Variants in KIF26B observed in about 807,000 individuals in gnomAD.
KIF26B encodes the protein kinesin-like protein KIF26B.
KIF26B carries 63 observed loss-of-function variants against 151.2 expected under a neutral mutation model. That is an observed-to-expected ratio of 0.42 (90% CI 0.34 to 0.51). KIF26B has a LOEUF of 0.51. Ranked by LOEUF, KIF26B falls within the 20% of genes least tolerant of loss-of-function variation. The probability of loss-of-function intolerance (pLI) is 0.07; values close to 1 mark genes in which losing one functional copy is unlikely to be tolerated. For missense variants in KIF26B, 2,813 were observed against 2,913.6 expected (o/e 0.97, Z 0.79); for synonymous variants, 1,357 against 1,262.1 (o/e 1.08, Z -1.59).
At chr1:245,454,589 C>A (rs2103054579) in intron 4 of KIF26B, among the ~76,000 whole-genome samples, 1 of 152,252 alleles carries the variant, frequency 6.6e-6, no homozygotes, top group South Asian at 2.1e-4. Context: ...TGATACCTTC[C>A]ATTGGGAGCC....
At chr1:245,494,519 C>T (rs927325062) in intron 4 of KIF26B, among the ~76,000 whole-genome samples, 7 of 152,100 alleles carry the variant, frequency 4.6e-5, no homozygotes, top group South Asian at 4.1e-4. Context: ...ACTGGGCGAA[C>T]GATCACTGAA....
chr1:245,518,248 G>C (rs958115193), intron 4 of KIF26B, among the ~76,000 whole-genome samples: 2 of 152,098 alleles, frequency 1.3e-5, no homozygotes, highest in African/African-American at 2.4e-5. Flanking sequence ...GCAATGATTA[G>C]TAATAGATCA....
At chr1:245,276,778 AAGGGAAGT>A (rs1238539416) in intron 2 of KIF26B, among the ~76,000 whole-genome samples, 92 of 152,224 alleles carry the variant, frequency 6.0e-4, no homozygotes, top group Admixed American at 6.0e-3. Context: ...ATTTCTCACA[AAGGGAAGT>A]AGTCTATGTA....
intron 2 of KIF26B, among the ~76,000 whole-genome samples, chr1:245,208,133 G>T (rs1366022717): frequency 6.6e-6 from 1 of 152,180 alleles, no homozygotes; most frequent in East Asian, 1.9e-4. Flanking sequence ...TCACCTCTGT[G>T]CCAGGGAAAT....
At chr1:245,655,229 C>G (rs925709754) in intron 10 of KIF26B, among the ~76,000 whole-genome samples, 1 of 152,236 alleles carries the variant, frequency 6.6e-6, no homozygotes, top group Non-Finnish European at 1.5e-5. Flanking sequence ...CTCAATCATT[C>G]TTACTCCTCG....
At chr1:245,359,936 G>A (rs1037038748) in intron 2 of KIF26B, among the ~76,000 whole-genome samples, 2 of 148,298 alleles carry the variant, frequency 1.3e-5, no homozygotes, top group African/African-American at 5.0e-5. Flanking sequence ...GCAGTGGTGA[G>A]ATCTGAGCTC....
rs181834389 is a variant in KIF26B at position 245,444,849 on chromosome 1, A to G, written c.1166+25104A>G. ...ACCATGCTGTGACATGAAGTGCCAC[A>G]GATTCCAAAATCCACGTGTGTCTTT... On this transcript the variant is annotated intron_variant, in intron 4 of 14. Transcript: ENST00000407071. 1.9e-3 allele frequency among the ~76,000 whole-genome samples: 293 copies of G among 152,360 alleles called. 2 individuals are homozygous for G. The highest frequency in any genetic ancestry group is 3.4e-3 in the Non-Finnish European group (234 of 68,028).
intron 2 of KIF26B, among the ~76,000 whole-genome samples, chr1:245,202,264 T>C (rs1669313055): frequency 7.2e-6 from 1 of 138,814 alleles, no homozygotes; most frequent in East Asian, 3.4e-4. Flanking sequence ...GAGCACTCCT[T>C]GTGTACCCTC....
chr1:245,585,302 G>C (rs2043212965), intron 5 of KIF26B, among the ~76,000 whole-genome samples: 1 of 152,208 alleles, frequency 6.6e-6, no homozygotes, highest in African/African-American at 2.4e-5. Context: ...GCAACCCACA[G>C]TTGTTTAAAC....
chr1:245,160,308 G>A (rs964896484), intron 2 of KIF26B, among the ~76,000 whole-genome samples: 2 of 152,200 alleles, frequency 1.3e-5, no homozygotes, highest in Non-Finnish European at 2.9e-5. Context: ...AAAAGAATGT[G>A]GACGTGTAAA....
chr1:245,530,740 G>T (rs1359878198), intron 4 of KIF26B, among the ~76,000 whole-genome samples: 1 of 152,200 alleles, frequency 6.6e-6, no homozygotes, highest in Non-Finnish European at 1.5e-5. Flanking sequence ...CTGCTGTGGA[G>T]CCAATATAAA....
intron 2 of KIF26B, among the ~76,000 whole-genome samples, chr1:245,270,806 G>A (rs1030609440): frequency 1.3e-5 from 2 of 152,050 alleles, no homozygotes; most frequent in African/African-American, 4.8e-5. Flanking sequence ...TTTTGCTTTT[G>A]TTGGCATATC....
At chr1:245,292,115 T>C (rs1054254212) in intron 2 of KIF26B, among the ~76,000 whole-genome samples, 2 of 152,190 alleles carry the variant, frequency 1.3e-5, no homozygotes, top group Non-Finnish European at 2.9e-5. Flanking sequence ...ATTCCTTCCA[T>C]TCTCCACCAT....
At chr1:245,191,245 C>T (rs191799808) in intron 2 of KIF26B, among the ~76,000 whole-genome samples, 6 of 150,752 alleles carry the variant, frequency 4.0e-5, no homozygotes, top group East Asian at 2.0e-4. Context: ...GAGGCCGAGG[C>T]GGGCGGATTA....
chr1:245,539,999 A>C (rs1248020680), intron 4 of KIF26B, among the ~76,000 whole-genome samples: 1 of 152,106 alleles, frequency 6.6e-6, no homozygotes, highest in Non-Finnish European at 1.5e-5. Flanking sequence ...ATGATGGACG[A>C]TGTCATTGGA....
At chr1:245,345,214 C>T (rs368610736) in intron 2 of KIF26B, among the ~76,000 whole-genome samples, 1 of 152,158 alleles carries the variant, frequency 6.6e-6, no homozygotes, top group African/African-American at 2.4e-5. Context: ...GAAGAGCCCA[C>T]AAGCCCTCAC....
In KIF26B at chr1:245,687,487, G is replaced by C. The variant is rs1226734127; in HGVS notation, c.4504G>C (p.Val1502Leu). ...CAGCGGAGAGGTGTCGGCCTCCCCG[G>C]TCACTGACAACTTCAGGAGGGTCGT... ...SSSGEVSASP[V>L]TDNFRRVVDG... The change falls in exon 12 of 15, where the codon GTC (valine) becomes CTC (leucine). Residue 1502 changes from valine (V) to leucine (L), a missense_variant. Coordinates refer to ENST00000407071, the MANE Select transcript of KIF26B (RefSeq NM_018012.4). This position sits in a 1 kb window ranked among gnomAD's most constrained non-coding sequence, Gnocchi z 4.9. 6.3e-7 allele frequency: 1 copy of C among 1,583,052 alleles called. No individual in the cohort carries two copies. Among genetic ancestry groups the C allele is most frequent in the African/African-American group, 1.3e-5 (1 of 74,404 alleles).
At chr1:245,472,289 A>G (rs1195196182) in intron 4 of KIF26B, among the ~76,000 whole-genome samples, 1 of 152,156 alleles carries the variant, frequency 6.6e-6, no homozygotes, top group Non-Finnish European at 1.5e-5. Flanking sequence ...TTGAGGAATA[A>G]ATGAGTGAAT....
chr1:245,587,413 A>C (rs530851253), intron 5 of KIF26B, among the ~76,000 whole-genome samples: 1 of 152,240 alleles, frequency 6.6e-6, no homozygotes, highest in South Asian at 2.1e-4. Context: ...GGACCAGATT[A>C]AGGGGTACTT....
Sources: allele counts gnomAD v4.1 joint callset (sites outside exome capture counted in the v4.1 genomes callset), GRCh38; gene constraint gnomAD v4.1.1; non-coding constraint Gnocchi (gnomAD v3.1); transcripts MANE v1.5; gene names NCBI Gene and HGNC (gene_info 2026-07-23, HGNC 2026-07-21).